Variants in PRKRIP1 observed in about 807,000 individuals in gnomAD.
PRKRIP1 encodes PRKR-interacting protein 1.
PRKRIP1 carries 29 observed loss-of-function variants against 29.3 expected under a neutral mutation model. The observed-to-expected ratio is 0.99, with a 90% CI of 0.74 to 1.35. PRKRIP1 has a LOEUF of 1.35. Among genes scored for constraint, PRKRIP1 ranks in the 40% most tolerant of loss-of-function variants. PRKRIP1 has a pLI of 0.00. For synonymous variants in PRKRIP1, 90 were observed against 85.1 expected, an observed-to-expected ratio of 1.06 and a Z score of -0.32; for missense variants, 247 against 236.8, an observed-to-expected ratio of 1.04 and a Z score of -0.28.
At chr7:102,396,664 A>G in intron 1 of PRKRIP1, 127 bp downstream of exon 1, 1 of 1,032,062 alleles carries the variant, frequency 9.7e-7, no homozygotes. Context: ...ACCCTCCAAG[A>G]GCAGTCTTTG....
intron 4 of PRKRIP1, among the ~76,000 whole-genome samples, chr7:102,405,484 C>G (rs1266227580): frequency 2.0e-5 from 3 of 152,156 alleles, no homozygotes; most frequent in Non-Finnish European, 2.9e-5. Flanking sequence ...AATCTCAGCA[C>G]TTTGGGAAGC....
chr7:102,397,570 A>C (rs1739397531), intron 1 of PRKRIP1, 50 bp from the exon 2 acceptor site: 1 of 1,455,938 alleles, frequency 6.9e-7, no homozygotes, highest in Non-Finnish European at 9.6e-7. Flanking sequence ...GAGATATATA[A>C]TTTTGTCAAC....
intron 1 of PRKRIP1, among the ~76,000 whole-genome samples, chr7:102,396,975 A>T (rs990822230): frequency 2.0e-5 from 3 of 152,004 alleles, no homozygotes; most frequent in African/African-American, 7.2e-5. Flanking sequence ...CATAAAAACA[A>T]TTGAACGGGA....
chr7:102,409,413 G>A (rs554422194), intron 5 of PRKRIP1, among the ~76,000 whole-genome samples: 1 of 152,220 alleles, frequency 6.6e-6, no homozygotes, highest in South Asian at 2.1e-4. Flanking sequence ...CAAGTAGGAG[G>A]ATTGGGCATA....
At chr7:102,408,748 G>A (rs574243606) in intron 5 of PRKRIP1, among the ~76,000 whole-genome samples, 4 of 152,204 alleles carry the variant, frequency 2.6e-5, no homozygotes, top group East Asian at 1.9e-4. Context: ...ATGGTGGCCC[G>A]TGCCTATAAT....
intron 5 of PRKRIP1, among the ~76,000 whole-genome samples, chr7:102,421,507 C>CA (rs1372392513): frequency 6.2e-5 from 9 of 146,032 alleles, no homozygotes; most frequent in East Asian, 4.1e-4. Flanking sequence ...AACCCTGTCT[C>CA]AAAAAAAAAG....
intron 5 of PRKRIP1, among the ~76,000 whole-genome samples, chr7:102,421,141 G>A (rs782575878): frequency 6.6e-6 from 1 of 152,234 alleles, no homozygotes; most frequent in Non-Finnish European, 1.5e-5. Context: ...GGAAGCATTT[G>A]TGTTTTTCTG....
At chr7:102,399,795 A>G (rs1554570973) in intron 3 of PRKRIP1, 147 bp downstream of exon 3, 1 of 603,742 alleles carries the variant, frequency 1.7e-6, no homozygotes, top group Non-Finnish European at 2.9e-6. Flanking sequence ...GGATCACCTG[A>G]GGTCGGGAGT....
intron 3 of PRKRIP1, chr7:102,404,296 T>C (rs1554571563): frequency 4.0e-6 from 1 of 247,234 alleles, no homozygotes; most frequent in Non-Finnish European, 7.9e-6. Flanking sequence ...GCTGAGCAGA[T>C]GGTGAGCGCT....
At chr7:102,415,832 G>A (rs549581312) in intron 5 of PRKRIP1, among the ~76,000 whole-genome samples, 1 of 152,232 alleles carries the variant, frequency 6.6e-6, no homozygotes, top group Non-Finnish European at 1.5e-5. Flanking sequence ...GCGATGCTGC[G>A]TGAAACCCTG....
chr7:102,411,297 C>T (rs370654598), intron 5 of PRKRIP1, among the ~76,000 whole-genome samples: 3 of 152,112 alleles, frequency 2.0e-5, no homozygotes, highest in South Asian at 2.1e-4. Context: ...GTGACCCTCC[C>T]GCCTTGGCCT....
At chr7:102,408,574 C>T (rs944547182) in intron 5 of PRKRIP1, among the ~76,000 whole-genome samples, 2 of 152,180 alleles carry the variant, frequency 1.3e-5, no homozygotes, top group African/African-American at 2.4e-5. Flanking sequence ...CTGGAAAGGG[C>T]CAAGGATGCT....
At chr7:102,423,120 C>CTTT (rs782193171) in intron 5 of PRKRIP1, 10 of 382,222 alleles carry the variant, frequency 2.6e-5, no homozygotes, top group Admixed American at 5.7e-5. Flanking sequence ...ACCCTATGCT[C>CTTT]TTTTTTTTTT....
At chr7:102,423,588 C>T (rs550499187) in intron 5 of PRKRIP1, among the ~76,000 whole-genome samples, 1 of 152,220 alleles carries the variant, frequency 6.6e-6, no homozygotes, top group East Asian at 1.9e-4. Flanking sequence ...GTACTTACCT[C>T]ATAGACTATT....
At chr7:102,411,947 T>A (rs1796397266) in intron 5 of PRKRIP1, among the ~76,000 whole-genome samples, 1 of 151,976 alleles carries the variant, frequency 6.6e-6, no homozygotes, top group Admixed American at 6.6e-5. Context: ...TTTTGTTTGT[T>A]TGTTTGTTTG....
At chr7:102,424,655 G>A (rs1796788416) in intron 5 of PRKRIP1, among the ~76,000 whole-genome samples, 3 of 152,228 alleles carry the variant, frequency 2.0e-5, no homozygotes, top group African/African-American at 7.2e-5. Flanking sequence ...TTCAGTGAGA[G>A]TGTTGTCAGC....
chr7:102,404,810 TCTA>T (rs1428303292), intron 4 of PRKRIP1, 127 bp downstream of exon 4: 4 of 629,818 alleles, frequency 6.4e-6, no homozygotes, highest in Non-Finnish European at 1.1e-5. Context: ...AGCAATGACT[TCTA>T]CTACCTGAGC....
chr7:102,411,958 T>G (rs1719175849), intron 5 of PRKRIP1, among the ~76,000 whole-genome samples: 1 of 151,886 alleles, frequency 6.6e-6, no homozygotes, highest in Admixed American at 6.6e-5. Context: ...TGTTTGTTTG[T>G]TTTTGAGACG....
At chr7:102,396,963 A>G (rs1795919874) in intron 1 of PRKRIP1, among the ~76,000 whole-genome samples, 2 of 151,958 alleles carry the variant, frequency 1.3e-5, no homozygotes, top group African/African-American at 4.8e-5. Context: ...GGTCCCCTCA[A>G]TCATAAAAAC....
Sources: gnomAD v4.1 joint callset for allele counts (sites outside exome capture counted in the v4.1 genomes callset) on GRCh38, gnomAD v4.1.1 for gene constraint, MANE v1.5 for transcripts, NCBI Gene and HGNC (gene_info 2026-07-23, HGNC 2026-07-21) for gene names.